USH1C: variants seen among roughly 807,000 people sequenced by gnomAD.
USH1C encodes USH1 protein network component harmonin, also known as harmonin.
A neutral mutation model predicts 119.3 loss-of-function variants in USH1C; 90 were observed. The observed-to-expected ratio is 0.75, with a 90% confidence interval of 0.64 to 0.90. The LOEUF (loss-of-function observed/expected upper bound fraction) is 0.90, where lower values mean the gene tolerates loss of function less well. Among genes scored for constraint, USH1C ranks in the 40% least tolerant of loss-of-function variants. The pLI is 0.00. For missense variants in USH1C, 1,165 were observed against 1,167.7 expected, an observed-to-expected ratio of 1.00 and a Z score of 0.03; for synonymous variants, 465 against 443.3, an observed-to-expected ratio of 1.05 and a Z score of -0.62.
rs34055234 is a variant in USH1C, at chr11:17,531,247, G to A, written c.294C>T (p.Leu98=). The change falls in exon 4 of 27, where the codon CTC becomes CTT. Residue 98 remains leucine (L), a synonymous_variant. Transcript: ENST00000005226. This position sits in a 1 kb window ranked among gnomAD's most constrained non-coding sequence, Gnocchi z 4.2. ...CCAGGCCACCACGCACACTCAGGCC[G>A]AGGCCTTCGGGGTGCAGACGGTCCA... ...VRLDRLHPEG[L]GLSVRGGLEF... 3.9e-3 allele frequency: 6,335 copies of A among 1,614,118 alleles called. 228 individuals are homozygous for A. The African/African-American group carries it at 0.075, about 19-fold the overall frequency.
chr11:17,506,094 G>A (rs1177825091), intron 18 of USH1C, 145 bp from the exon 19 acceptor site: 1 of 1,203,718 alleles, frequency 8.3e-7, no homozygotes, highest in Non-Finnish European at 1.2e-6. Context: ...TCCTGGGGTT[G>A]TGATCCTCAG....
At position 17,504,503 on chromosome 11, in the gene USH1C, G is replaced by A. The variant is rs1849566817; in HGVS notation, c.2184+144C>T. ...CCCCCACCCCTGCGCAGGCAATGGA[G>A]GACACAGCTCTGGCCTGAGGCTTGG... On this transcript the variant is annotated intron_variant, in intron 20 of 26. Transcript: ENST00000005226. The A allele has an allele frequency of 2.8e-5, 25 of 889,132 alleles. No homozygotes were observed. In the South Asian group the frequency reaches 3.4e-4, roughly 12 times the overall value. 55.1% of individuals were successfully genotyped at this position (889,132 alleles called of 1,614,324 possible). A position where few individuals can be genotyped will look rare whatever the true frequency, so the allele number is the denominator to read the frequency against.
intron 16 of USH1C, 136 bp from the exon 17 acceptor site, chr11:17,510,657 TG>T: frequency 1.4e-6 from 1 of 738,172 alleles, no homozygotes; most frequent in South Asian, 1.5e-5. Flanking sequence ...GAAAGAGACC[TG>T]GGCTTGTTCC....
Position 17,510,475 on chromosome 11 carries a change from TGA to T in USH1C, c.1458_1459del (p.Gln487IlefsTer18), listed in dbSNP as rs757175415. On this transcript the variant is annotated frameshift_variant, in exon 17 of 27. Coordinates refer to ENST00000005226, the MANE Select transcript of USH1C (RefSeq NM_153676.4). LOFTEE classifies it high-confidence loss of function. The stretch of plus-strand genomic sequence containing the variant: ...TTGACAGAGCCTCTCCACCCAATAT[TGA>T]ATCTTTTCCGATTCTTCAAGGTCTT... The T allele has an allele frequency of 5.0e-6, 8 of 1,613,858 alleles. No homozygotes were observed. In the South Asian group the frequency reaches 7.7e-5, roughly 16 times the overall value.
At chr11:17,511,152 C>T (rs1481651756) in intron 16 of USH1C, among the ~76,000 whole-genome samples, 4 of 152,194 alleles carry the variant, frequency 2.6e-5, no homozygotes, top group African/African-American at 4.8e-5. Flanking sequence ...TTGCTTTGGA[C>T]ATGTCTTCAT....
intron 12 of USH1C, among the ~76,000 whole-genome samples, chr11:17,522,363 T>C (rs1332479507): frequency 6.6e-6 from 1 of 152,168 alleles, no homozygotes; most frequent in African/African-American, 2.4e-5. Flanking sequence ...TTCACCTCTC[T>C]GAGTGTCAGT....
At position 17,504,635 on chromosome 11, in the gene USH1C, G is replaced by A. The variant is rs138547759; in HGVS notation, c.2184+12C>T. On this transcript the variant is annotated intron_variant, in intron 20 of 26. Coordinates refer to ENST00000005226, the MANE Select transcript of USH1C (RefSeq NM_153676.4). Reference sequence around the variant, plus strand: ...GGGGAGACCTCCAGACACACAATGGGTATCAGTTTACTTGTCTGAATGCTG... The same window carrying A: ...GGGGAGACCTCCAGACACACAATGGATATCAGTTTACTTGTCTGAATGCTG... The A allele has an allele frequency of 2.7e-4, 438 of 1,613,914 alleles. 1 individual carries two copies. The African/African-American group carries it at 5.2e-3, about 19-fold the overall frequency.
At chr11:17,530,827 C>T (rs1241491563) in intron 4 of USH1C, among the ~76,000 whole-genome samples, 1 of 152,156 alleles carries the variant, frequency 6.6e-6, no homozygotes, top group East Asian at 1.9e-4. Context: ...GGCAACAGGT[C>T]CAAAACTTCA....
At chr11:17,521,913 C>T (rs1184359340) in intron 12 of USH1C, among the ~76,000 whole-genome samples, 4 of 152,248 alleles carry the variant, frequency 2.6e-5, no homozygotes, top group Non-Finnish European at 5.9e-5. Context: ...ACTGCAACCT[C>T]TGCCTCCCAG....
intron 26 of USH1C, 41 bp downstream of exon 26, chr11:17,495,528 G>A: frequency 6.3e-7 from 1 of 1,593,298 alleles, no homozygotes. Context: ...ACTGCAAGCA[G>A]CAGGGACACA....
intron 1 of USH1C, chr11:17,533,792 C>A (rs1425103645): frequency 4.4e-6 from 2 of 457,442 alleles, no homozygotes; most frequent in East Asian, 6.9e-5. Flanking sequence ...GCACATGCCA[C>A]TCTCCAGAAG....
chr11:17,524,520 G>C lies in USH1C; in HGVS notation c.690C>G (p.Pro230=), dbSNP rs1392184474. 2 of 1,563,318 alleles carry C rather than the reference G, an allele frequency of 1.3e-6. No individual in the cohort carries two copies. The highest frequency in any genetic ancestry group is 1.7e-6 in the Non-Finnish European group (2 of 1,152,464). The stretch of plus-strand genomic sequence containing the variant: ...TGATAAAGATGCCAGGCTTCTGGAT[G>C]GGGCCGCTGGAAATGCTGCGGGAGG... The part of the protein sequence containing the change: ...RGLGCSISSG[P]IQKPGIFISH... The change falls in exon 9 of 27, where the codon CCC becomes CCG. Residue 230 remains proline, a synonymous_variant. Transcript: ENST00000005226.
intron 1 of USH1C, 57 bp from the exon 2 acceptor site, chr11:17,533,379 G>T (rs959496611): frequency 3.9e-6 from 5 of 1,291,558 alleles, no homozygotes; most frequent in Non-Finnish European, 5.6e-6. Context: ...CCCCATAGCA[G>T]ACCTCAGGGA....
At chr11:17,540,156 T>C (rs1197564683) in intron 1 of USH1C, among the ~76,000 whole-genome samples, 1 of 152,132 alleles carries the variant, frequency 6.6e-6, no homozygotes, top group African/African-American at 2.4e-5. Context: ...GGAACCACTT[T>C]ATTGAGGTAT....
intron 1 of USH1C, 42 bp from the exon 2 acceptor site, chr11:17,533,364 C>CCA (rs1554963783): frequency 1.3e-4 from 170 of 1,343,820 alleles, no homozygotes; most frequent in Non-Finnish European, 1.6e-4. Flanking sequence ...AGGCTCAGCA[C>CCA]CCGCCCCCAT....
chr11:17,511,844 G>C, intron 16 of USH1C, 58 bp downstream of exon 16: 1 of 1,573,390 alleles, frequency 6.4e-7, no homozygotes, highest in Non-Finnish European at 8.6e-7. Flanking sequence ...GGAGCACATG[G>C]AGAACGACCA....
At chr11:17,529,507 A>C (rs1850863193) in intron 4 of USH1C, among the ~76,000 whole-genome samples, 1 of 152,186 alleles carries the variant, frequency 6.6e-6, no homozygotes, top group African/African-American at 2.4e-5. Flanking sequence ...CTCAGGCATG[A>C]GATCTCCCCA....
chr11:17,528,440 G>A (rs1457719209), intron 4 of USH1C, among the ~76,000 whole-genome samples: 1 of 152,244 alleles, frequency 6.6e-6, no homozygotes, highest in African/African-American at 2.4e-5. Context: ...CCAAGGAAGT[G>A]AGGTTTTGTC....
Position 17,533,565 on chromosome 11 carries a change from T to C in USH1C, c.37-243A>G, listed in dbSNP as rs2883581. The C allele has an allele frequency of 0.56, 344,237 of 613,440 alleles. 97,734 individuals carry two copies. The highest frequency in any genetic ancestry group is 0.68 in the African/African-American group (37,361 of 55,258). 38.0% of individuals were successfully genotyped at this position (613,440 alleles called of 1,614,324 possible). A position where few individuals can be genotyped will look rare whatever the true frequency, so the allele number is the denominator to read the frequency against. On this transcript the variant is annotated intron_variant, in intron 1 of 26. Transcript: ENST00000005226. ...CCTCCAGATGTGGCCAGGCACCCTTTGTCCCCAGGTGGGGCAATATGTGCA... is the reference window on the plus strand; with the variant it reads ...CCTCCAGATGTGGCCAGGCACCCTTCGTCCCCAGGTGGGGCAATATGTGCA...
Sources: allele counts gnomAD v4.1 joint callset (sites outside exome capture counted in the v4.1 genomes callset), GRCh38; gene constraint gnomAD v4.1.1; non-coding constraint Gnocchi (gnomAD v3.1); transcripts MANE v1.5; gene names NCBI Gene and HGNC (gene_info 2026-07-23, HGNC 2026-07-21).